The following OSBP2 variants were observed in gnomAD, a reference collection of about 807,000 sequenced individuals.
OSBP2 encodes oxysterol-binding protein 2.
Under a neutral mutation model 96.0 loss-of-function variants are expected in OSBP2, and 66 were observed. The ratio of observed to expected loss-of-function variants is 0.69; its 90% CI spans 0.56 to 0.84. The LOEUF (loss-of-function observed/expected upper bound fraction) is 0.84, where lower values mean the gene tolerates loss of function less well. OSBP2 is among the 40% of genes least tolerant of loss of function. The pLI is 0.00. For missense variants in OSBP2, 1,038 were observed against 1,222.7 expected (o/e 0.85, Z 2.25); for synonymous variants, 525 against 520.9 (o/e 1.01, Z -0.11).
At chr22:30,864,101 G>C (rs1216961950) in intron 2 of OSBP2, among the ~76,000 whole-genome samples, 1 of 151,978 alleles carries the variant, frequency 6.6e-6, no homozygotes, top group Admixed American at 6.6e-5. Flanking sequence ...CTCTCGAGTA[G>C]CTGGGATTAC....
intron 1 of OSBP2, among the ~76,000 whole-genome samples, chr22:30,725,433 C>T (rs1269512395): frequency 6.6e-6 from 1 of 151,868 alleles, no homozygotes; most frequent in Non-Finnish European, 1.5e-5. Context: ...ATCACTTGGA[C>T]CCGGGAGGCA....
At chr22:30,707,709 T>A (rs1455315119) in intron 1 of OSBP2, among the ~76,000 whole-genome samples, 1 of 149,292 alleles carries the variant, frequency 6.7e-6, no homozygotes, top group Non-Finnish European at 1.5e-5. Context: ...AGAGCGAGAC[T>A]CTGTCTCAAA....
intron 2 of OSBP2, among the ~76,000 whole-genome samples, chr22:30,846,526 G>T (rs533995012): frequency 2.0e-4 from 31 of 151,650 alleles, no homozygotes; most frequent in Non-Finnish European, 3.5e-4. Flanking sequence ...GTTATTTTCT[G>T]CTCTTTTGAT....
At chr22:30,739,409 C>T (rs2089903366) in intron 1 of OSBP2, among the ~76,000 whole-genome samples, 1 of 152,244 alleles carries the variant, frequency 6.6e-6, no homozygotes. Context: ...CGTCTGCCCC[C>T]TCAGGCTCTG....
At chr22:30,823,605 C>A (rs150667854) in intron 2 of OSBP2, among the ~76,000 whole-genome samples, 1 of 152,240 alleles carries the variant, frequency 6.6e-6, no homozygotes, top group African/African-American at 2.4e-5. Context: ...CTTCATAAGA[C>A]CTTGGTCCAT....
At chr22:30,893,083 T>C in intron 8 of OSBP2, 39 bp from the exon 9 acceptor site, 1 of 1,608,694 alleles carries the variant, frequency 6.2e-7, no homozygotes, top group Non-Finnish European at 8.5e-7. Flanking sequence ...CCTGGGCTCA[T>C]GTCTGGCAGA....
At position 30,694,993 on chromosome 22, in the gene OSBP2, C is replaced by T. The variant is rs1483396940; in HGVS notation, c.84C>T (p.Pro28=). 4 of 1,563,928 alleles carry T rather than the reference C, an allele frequency of 2.6e-6. No homozygotes were observed. Among genetic ancestry groups the T allele is most frequent in the Non-Finnish European group, 3.4e-6 (4 of 1,159,596 alleles). ...RGLSSLFTVV[P]CLSCHTAAPG... is the part of the protein sequence containing the mutation. Reference sequence around the variant, plus strand: ...TCTCGTCGCTGTTCACGGTTGTCCCCTGCCTGTCGTGCCACACGGCGGCGC... The same window carrying T: ...TCTCGTCGCTGTTCACGGTTGTCCCTTGCCTGTCGTGCCACACGGCGGCGC... The change falls in exon 1 of 14, where the codon CCC becomes CCT. Residue 28 remains proline, a synonymous_variant. Coordinates refer to ENST00000332585, the MANE Select transcript of OSBP2 (RefSeq NM_030758.4).
At chr22:30,783,601 C>T (rs569777566) in intron 2 of OSBP2, among the ~76,000 whole-genome samples, 5 of 152,182 alleles carry the variant, frequency 3.3e-5, no homozygotes, top group East Asian at 1.9e-4. Context: ...GTATTACTGA[C>T]GTGAGCCACT....
intron 1 of OSBP2, among the ~76,000 whole-genome samples, chr22:30,711,845 T>C (rs1328295841): frequency 1.3e-5 from 2 of 152,080 alleles, no homozygotes; most frequent in Non-Finnish European, 2.9e-5. Flanking sequence ...GGTGTCTGCC[T>C]GGTCCCCTTT....
intron 1 of OSBP2, among the ~76,000 whole-genome samples, chr22:30,711,663 C>T (rs190274415): frequency 5.3e-5 from 8 of 150,516 alleles, no homozygotes; most frequent in Non-Finnish European, 1.0e-4. Flanking sequence ...TCACTCGAGC[C>T]TGGGAGGCAG....
chr22:30,708,478 A>ATTTTT (rs56361178), intron 1 of OSBP2, among the ~76,000 whole-genome samples: 1,872 of 63,484 alleles, frequency 0.029, 417 homozygotes, highest in Non-Finnish European at 0.041. Context: ...AAGGATAAGG[A>ATTTTT]TTTTTTTTTT....
rs2039887874 is a variant in OSBP2 at position 30,889,232 on chromosome 22, A to G, written c.1474A>G (p.Asn492Asp). 1 of 1,612,908 alleles carries G rather than the reference A, an allele frequency of 6.2e-7. No individual in the cohort carries two copies. Among genetic ancestry groups the G allele is most frequent in the Non-Finnish European group, 8.5e-7 (1 of 1,179,766 alleles). The change falls in exon 6 of 14, where the codon AAT (asparagine) becomes GAT (aspartate). Residue 492 changes from asparagine (N) to aspartate (D), a missense_variant and splice_region_variant. Asn to Asp is a conservative substitution (Grantham distance 23). Transcript: ENST00000332585. The part of the protein sequence containing the change: ...TSSVDWSSAD[N>D]VLDGASLVPK... ...TTCCGTGGACTGGAGCTCAGCAGAC[A>G]ATGTAAGTGAGGGGGAGCACTGTAA... is the stretch of plus-strand genomic sequence containing the variant.
chr22:30,893,424 A>G, intron 9 of OSBP2, 39 bp from the exon 10 acceptor site: 2 of 1,574,968 alleles, frequency 1.3e-6, no homozygotes, highest in Non-Finnish European at 1.7e-6. Flanking sequence ...AGAGCCCTGC[A>G]TGGGGGGGCA....
intron 3 of OSBP2, among the ~76,000 whole-genome samples, chr22:30,877,873 C>T (rs1286371570): frequency 6.6e-6 from 1 of 152,276 alleles, no homozygotes; most frequent in African/African-American, 2.4e-5. Context: ...CCCCCTGTGG[C>T]ACTTGGGAAC....
intron 2 of OSBP2, chr22:30,822,508 G>C (rs1602314022): frequency 1.3e-5 from 18 of 1,348,224 alleles, no homozygotes; most frequent in African/African-American, 3.1e-5. Flanking sequence ...CGCGGCGCCG[G>C]GACCCACGAG....
rs577767965 is a variant in OSBP2, at chr22:30,871,762, T to C, written c.1107+1080T>C. 6.6e-6 allele frequency among the ~76,000 whole-genome samples: 1 copy of C among 152,260 alleles called. No homozygotes were observed. The highest frequency in any genetic ancestry group is 2.1e-4 in the South Asian group (1 of 4,822). On this transcript the variant is annotated intron_variant, in intron 3 of 13. Coordinates refer to ENST00000332585, the MANE Select transcript of OSBP2 (RefSeq NM_030758.4). This position sits in a 1 kb window ranked among gnomAD's most constrained non-coding sequence, Gnocchi z 4.7. ...GAAATGCAAGGGCAGGGTGGGAAGA[T>C]AGAGGCTGGAGCTCACCGCAGGCCA...
chr22:30,818,152 C>T (rs981424347), intron 2 of OSBP2, among the ~76,000 whole-genome samples: 34 of 152,216 alleles, frequency 2.2e-4, no homozygotes, highest in African/African-American at 7.7e-4. Flanking sequence ...CTCATCTCGG[C>T]CTCCCAAAGT....
intron 2 of OSBP2, among the ~76,000 whole-genome samples, chr22:30,778,170 C>CTTTTTTTTTTTTT (rs71202014): frequency 3.0e-5 from 2 of 67,016 alleles, no homozygotes; most frequent in Non-Finnish European, 5.8e-5. Flanking sequence ...AATTTTTGCC[C>CTTTTTTTTTTTTT]TTTTTTTTTT....
intron 2 of OSBP2, among the ~76,000 whole-genome samples, chr22:30,836,049 A>G (rs754171821): frequency 8.4e-4 from 128 of 152,260 alleles, no homozygotes; most frequent in Non-Finnish European, 1.5e-3. Context: ...TGGTCAACCA[A>G]GTAGCTCAGT....
Sources: gnomAD v4.1 joint callset for allele counts (sites outside exome capture counted in the v4.1 genomes callset) on GRCh38, gnomAD v4.1.1 for gene constraint, Gnocchi (gnomAD v3.1) non-coding constraint, MANE v1.5 for transcripts, NCBI Gene and HGNC (gene_info 2026-07-23, HGNC 2026-07-21) for gene names.